Variants in TMEM209 observed in about 807,000 individuals in gnomAD.
TMEM209 encodes the protein testicular tissue protein Li 202.
Under a neutral mutation model 76.2 loss-of-function variants are expected in TMEM209, and 65 were observed. The observed-to-expected ratio is 0.85, with a 90% CI of 0.70 to 1.05. TMEM209 has a LOEUF of 1.05. TMEM209 is among the 50% of genes least tolerant of loss of function. The probability of loss-of-function intolerance (pLI) is 0.00; values close to 1 mark genes in which losing one functional copy is unlikely to be tolerated. For synonymous variants in TMEM209, 239 were observed against 237.6 expected (o/e 1.01, Z -0.06); for missense variants, 623 against 685.5 (o/e 0.91, Z 1.02).
intron 10 of TMEM209, among the ~76,000 whole-genome samples, chr7:130,176,022 A>AGT (rs1300891600): frequency 6.6e-6 from 1 of 152,156 alleles, no homozygotes; most frequent in African/African-American, 2.4e-5. Flanking sequence ...AAGAAAAAAA[A>AGT]GTGTGTGTGT....
chr7:130,189,191 TATTC>T (rs1205418548), intron 6 of TMEM209, among the ~76,000 whole-genome samples: 3 of 152,090 alleles, frequency 2.0e-5, no homozygotes, highest in African/African-American at 7.2e-5. Context: ...ATATTGTCAT[TATTC>T]ATTTATTTAT....
chr7:130,172,842 A>G, intron 13 of TMEM209, among the ~76,000 whole-genome samples: 1 of 151,746 alleles, frequency 6.6e-6, no homozygotes, highest in East Asian at 1.9e-4. Context: ...CTACTAAAAT[A>G]CAAAAAAATA....
chr7:130,180,706 T>C (rs1797383658), intron 9 of TMEM209, among the ~76,000 whole-genome samples: 1 of 152,192 alleles, frequency 6.6e-6, no homozygotes, highest in Non-Finnish European at 1.5e-5. Flanking sequence ...AAATGACTGA[T>C]AAACACATGA....
In TMEM209 at chr7:130,166,515, G is replaced by GA. The variant is rs781381427; in HGVS notation, c.1632-11dup. 7.3e-6 allele frequency: 11 copies of GA among 1,496,624 alleles called. No individual in the cohort carries two copies. The highest frequency in any genetic ancestry group is 2.5e-5 in the Admixed American group (1 of 39,570). The allele number at this position is 1,496,624 out of a possible 1,614,324, so 92.7% of individuals were successfully genotyped here. ...ACCAAGATTAACTCTCCTATAAAGA[G>GA]AAAAAAAATTTTTATTAGAATTGGT... On this transcript the variant is annotated splice_polypyrimidine_tract_variant and intron_variant, in intron 14 of 14. Coordinates refer to ENST00000397622, the MANE Select transcript of TMEM209 (RefSeq NM_032842.4).
Position 130,197,902 on chromosome 7 carries a change from G to A in TMEM209, c.573+3948C>T, listed in dbSNP as rs576005180. On this transcript the variant is annotated intron_variant, in intron 5 of 14. Coordinates refer to ENST00000397622, the MANE Select transcript of TMEM209 (RefSeq NM_032842.4). The stretch of plus-strand genomic sequence containing the variant: ...CTTAGATAACAGTTCATTAACATTT[G>A]CTTTTATCATTTTAAAAATAGCTTT... Among the ~76,000 whole-genome samples the A allele has an allele frequency of 1.1e-3, 175 of 152,224 alleles. 1 individual carries two copies. Among genetic ancestry groups the A allele is most frequent in the South Asian group, 3.1e-3 (15 of 4,826 alleles).
intron 10 of TMEM209, among the ~76,000 whole-genome samples, chr7:130,176,575 T>C (rs1797243822): frequency 6.6e-6 from 1 of 151,928 alleles, no homozygotes; most frequent in Non-Finnish European, 1.5e-5. Context: ...CATGAATTTA[T>C]GGGAAAGAGA....
At chr7:130,183,885 T>C (rs1166424412) in intron 8 of TMEM209, among the ~76,000 whole-genome samples, 2 of 152,120 alleles carry the variant, frequency 1.3e-5, no homozygotes, top group South Asian at 2.1e-4. Context: ...AAGGCTCCAA[T>C]AGAAAAGCTC....
At chr7:130,181,525 C>T (rs1312719258) in intron 9 of TMEM209, 98 bp downstream of exon 9, 1 of 1,035,190 alleles carries the variant, frequency 9.7e-7, no homozygotes, top group East Asian at 2.6e-5. Context: ...GTTTTTCACC[C>T]CAAGGTAACA....
chr7:130,180,437 C>T (rs1483950658), intron 9 of TMEM209, among the ~76,000 whole-genome samples: 2 of 152,040 alleles, frequency 1.3e-5, no homozygotes, highest in African/African-American at 4.8e-5. Context: ...CAGACGATCT[C>T]GGCTCACTGC....
At chr7:130,198,209 T>C (rs999778192) in intron 5 of TMEM209, among the ~76,000 whole-genome samples, 1 of 152,222 alleles carries the variant, frequency 6.6e-6, no homozygotes, top group Admixed American at 6.5e-5. Context: ...CATAGTGTTT[T>C]CAGGACTCAT....
At chr7:130,188,199 A>G (rs776272014) in intron 6 of TMEM209, among the ~76,000 whole-genome samples, 11 of 152,246 alleles carry the variant, frequency 7.2e-5, no homozygotes, top group Admixed American at 5.2e-4. Flanking sequence ...AGAGCTGATG[A>G]GTCCACAGTG....
chr7:130,185,111 C>A, intron 7 of TMEM209, 81 bp downstream of exon 7: 2 of 1,440,800 alleles, frequency 1.4e-6, no homozygotes, highest in Non-Finnish European at 1.9e-6. Flanking sequence ...TGGAAGATTA[C>A]AGAAAAAATG....
chr7:130,187,156 T>G (rs971624798), intron 6 of TMEM209, among the ~76,000 whole-genome samples: 1 of 151,726 alleles, frequency 6.6e-6, no homozygotes, highest in African/African-American at 2.4e-5. Flanking sequence ...GGCAGGAGAA[T>G]TGCTTGAACC....
At position 130,195,426 on chromosome 7, in the gene TMEM209, T is replaced by C. The variant is rs570592633; in HGVS notation, c.574-2603A>G. On this transcript the variant is annotated intron_variant, in intron 5 of 14. Transcript: ENST00000397622. Reference sequence around the variant, plus strand: ...TCTAATTGAATAATGCTGGCATATATATGACTGTAAGCTATTGATTTTGGA... The same window carrying C: ...TCTAATTGAATAATGCTGGCATATACATGACTGTAAGCTATTGATTTTGGA... Among the ~76,000 whole-genome samples, 50 of 152,246 alleles carry C rather than the reference T, an allele frequency of 3.3e-4. No individual in the cohort carries two copies. The South Asian group carries it at 8.9e-3, about 27-fold the overall frequency.
intron 13 of TMEM209, among the ~76,000 whole-genome samples, chr7:130,171,235 C>T (rs1360566692): frequency 3.9e-5 from 6 of 152,062 alleles, no homozygotes; most frequent in Non-Finnish European, 5.9e-5. Flanking sequence ...TAAAATATAT[C>T]AGAATATACT....
chr7:130,181,519 T>C (rs1230680023), intron 9 of TMEM209, 104 bp downstream of exon 9: 1 of 942,128 alleles, frequency 1.1e-6, no homozygotes, highest in East Asian at 2.6e-5. Context: ...TTTGGGGTTT[T>C]TCACCCCAAG....
intron 5 of TMEM209, among the ~76,000 whole-genome samples, chr7:130,201,612 C>T (rs1341924768): frequency 6.6e-6 from 1 of 152,156 alleles, no homozygotes; most frequent in Non-Finnish European, 1.5e-5. Flanking sequence ...GTTTTAAAGA[C>T]AGCTGAAAGA....
intron 1 of TMEM209, chr7:130,204,976 G>T (rs1798385978): frequency 1.8e-6 from 2 of 1,113,478 alleles, no homozygotes; most frequent in African/African-American, 1.6e-5. Context: ...CTTATGATGG[G>T]GTGGTGAGCG....
intron 5 of TMEM209, 137 bp from the exon 6 acceptor site, chr7:130,192,960 TG>T (rs1477332962): frequency 7.8e-6 from 6 of 766,978 alleles, no homozygotes; most frequent in African/African-American, 5.3e-5. Flanking sequence ...GATGAGGTTG[TG>T]GAACAACAGA....
Sources: gnomAD v4.1 joint callset for allele counts (sites outside exome capture counted in the v4.1 genomes callset) on GRCh38, gnomAD v4.1.1 for gene constraint, MANE v1.5 for transcripts, NCBI Gene and HGNC (gene_info 2026-07-23, HGNC 2026-07-21) for gene names.